PIGS: variants seen among roughly 807,000 people sequenced by gnomAD.
PIGS encodes the protein phosphatidylinositol glycan anchor biosynthesis class S, also known as GPI-anchor transamidase component PIGS.
PIGS carries 37 observed loss-of-function variants against 58.2 expected under a neutral mutation model. The observed-to-expected ratio is 0.64, with a 90% CI of 0.49 to 0.84. The LOEUF (loss-of-function observed/expected upper bound fraction) is 0.84. Ranked by LOEUF, PIGS falls within the 40% of genes least tolerant of loss-of-function variation. The probability of loss-of-function intolerance (pLI) is 0.00; values close to 1 mark genes in which losing one functional copy is unlikely to be tolerated. For synonymous variants in PIGS, 269 were observed against 289.2 expected (o/e 0.93, Z 0.71); for missense variants, 629 against 710.8 (o/e 0.88, Z 1.31).
intron 3 of PIGS, among the ~76,000 whole-genome samples, chr17:28,565,784 C>A (rs931137343): frequency 6.6e-6 from 1 of 152,192 alleles, no homozygotes; most frequent in Non-Finnish European, 1.5e-5. Flanking sequence ...AATCCCAGCA[C>A]TTTAGGAGGC....
chr17:28,560,894 T>C (rs2070359734), intron 6 of PIGS, among the ~76,000 whole-genome samples: 1 of 151,988 alleles, frequency 6.6e-6, no homozygotes, highest in South Asian at 2.1e-4. Flanking sequence ...GCAGAGGTTG[T>C]GGTGAGCCAA....
At chr17:28,569,858 T>C (rs1316991299) in intron 3 of PIGS, among the ~76,000 whole-genome samples, 1 of 152,240 alleles carries the variant, frequency 6.6e-6, no homozygotes, top group Non-Finnish European at 1.5e-5. Context: ...ACATATAAAA[T>C]GCTTCACCTA....
chr17:28,571,130 C>A lies in PIGS; in HGVS notation c.93G>T (p.Gly31=). The change falls in exon 2 of 12, where the codon GGG becomes GGT. Residue 31 remains glycine (G), a synonymous_variant. Transcript: ENST00000308360. ...CCGTGGTCTTCCACCAGAGCGGTAG[C>A]CCCAGCACGATGGCCACCGCAGCGA... ...LFFAAVAIVL[G]LPLWWKTTET... is the part of the protein sequence containing the mutation. The A allele has an allele frequency of 6.2e-7, 1 of 1,613,940 alleles. No homozygotes were observed. Among genetic ancestry groups the A allele is most frequent in the Non-Finnish European group, 8.5e-7 (1 of 1,180,044 alleles).
chr17:28,559,956 A>G, intron 7 of PIGS, 93 bp downstream of exon 7: 1 of 1,463,370 alleles, frequency 6.8e-7, no homozygotes, highest in South Asian at 1.4e-5. Context: ...AATTCCTAGC[A>G]AATCAGCAAG....
chr17:28,554,797 C>G (rs1263152402), intron 11 of PIGS, 54 bp downstream of exon 11: 2 of 1,597,306 alleles, frequency 1.3e-6, no homozygotes, highest in African/African-American at 2.7e-5. Context: ...CACACTCTGG[C>G]CCTCTCTGGC....
Position 28,557,406 on chromosome 17 carries a change from G to A in PIGS, c.935-434C>T, listed in dbSNP as rs140506585. 1,359 of 172,450 alleles carry A rather than the reference G, an allele frequency of 7.9e-3. 14 individuals are homozygous for A. The highest frequency in any genetic ancestry group is 0.017 in the Middle Eastern group (7 of 404). 10.7% of individuals were successfully genotyped at this position (172,450 alleles called of 1,614,324 possible). A position where few individuals can be genotyped will look rare whatever the true frequency, so the allele number is the denominator to read the frequency against. ...GTCCTTTATGACCTGGCTCCTGCCT[G>A]CCTAACCGGCTTCATCTTTGGTCAC... is the stretch of plus-strand genomic sequence containing the variant. On this transcript the variant is annotated intron_variant, in intron 8 of 11. Coordinates refer to ENST00000308360, the MANE Select transcript of PIGS (RefSeq NM_033198.4).
chr17:28,567,992 G>T (rs1466917496), intron 3 of PIGS, among the ~76,000 whole-genome samples: 1 of 152,058 alleles, frequency 6.6e-6, no homozygotes, highest in Non-Finnish European at 1.5e-5. Flanking sequence ...GACCTCCCTT[G>T]TCCACCCTAT....
Position 28,561,183 on chromosome 17 carries a change from G to A in PIGS, c.676+239C>T, listed in dbSNP as rs375881213. On this transcript the variant is annotated intron_variant, in intron 6 of 11. Transcript: ENST00000308360. The stretch of plus-strand genomic sequence containing the variant: ...TGAGGCAGGAGAATGGCGTGAACCC[G>A]GGAGGCGGAGCTTGCAGTGAGCCGA... 1.9e-4 allele frequency among the ~76,000 whole-genome samples: 29 copies of A among 152,128 alleles called. No individual in the cohort carries two copies. In the South Asian group the frequency reaches 2.5e-3, roughly 13 times the overall value.
intron 3 of PIGS, 75 bp from the exon 4 acceptor site, chr17:28,563,982 G>T: frequency 1.6e-6 from 2 of 1,284,546 alleles, no homozygotes; most frequent in Non-Finnish European, 2.2e-6. Context: ...ACCTAACACT[G>T]TCCAGCATCT....
rs1271600747 is a variant in PIGS, at chr17:28,553,679, A to C, written c.*541T>G. On this transcript the variant is annotated 3_prime_UTR_variant, in exon 12 of 12. Transcript: ENST00000308360. ...ACACACACACACACACACACACAGC[A>C]CCATGTCCTGAGCTGCTGCCTCCTG... 1 of 114,630 alleles carries C rather than the reference A, an allele frequency of 8.7e-6. No individual in the cohort carries two copies. The highest frequency in any genetic ancestry group is 8.0e-5 in the Admixed American group (1 of 12,530). The allele number at this position is 114,630 out of a possible 1,614,324, so 7.1% of individuals were successfully genotyped here. A position where few individuals can be genotyped will look rare whatever the true frequency, so the allele number is the denominator to read the frequency against.
At chr17:28,567,693 T>G (rs2070401976) in intron 3 of PIGS, among the ~76,000 whole-genome samples, 2 of 152,218 alleles carry the variant, frequency 1.3e-5, no homozygotes, top group Admixed American at 1.3e-4. Context: ...TCCCTTCTTA[T>G]CTAGAATAAA....
intron 5 of PIGS, among the ~76,000 whole-genome samples, chr17:28,562,245 T>A (rs2070368659): frequency 6.6e-6 from 1 of 152,140 alleles, no homozygotes; most frequent in African/African-American, 2.4e-5. Flanking sequence ...ATACAGCATA[T>A]GTGATCAAAC....
At chr17:28,558,673 A>T (rs1338989341) in intron 7 of PIGS, 83 bp from the exon 8 acceptor site, 1 of 1,089,720 alleles carries the variant, frequency 9.2e-7, no homozygotes, top group African/African-American at 1.6e-5. Context: ...GCCTTAAAAA[A>T]GACACAATCA....
At chr17:28,568,515 C>T (rs1050922226) in intron 3 of PIGS, among the ~76,000 whole-genome samples, 16 of 152,158 alleles carry the variant, frequency 1.1e-4, no homozygotes, top group Admixed American at 3.9e-4. Context: ...AAATGAACAA[C>T]GCTATTACTA....
chr17:28,562,082 T>C (rs1457206038), intron 5 of PIGS, among the ~76,000 whole-genome samples: 1 of 152,262 alleles, frequency 6.6e-6, no homozygotes, highest in Non-Finnish European at 1.5e-5. Flanking sequence ...GTTTATACAA[T>C]GATACATAGA....
At chr17:28,566,215 A>G (rs1443679975) in intron 3 of PIGS, among the ~76,000 whole-genome samples, 1 of 141,138 alleles carries the variant, frequency 7.1e-6, no homozygotes, top group Non-Finnish European at 1.5e-5. Flanking sequence ...CCTGAGTGTC[A>G]GACCCTATCT....
In PIGS at chr17:28,556,203, T is replaced by C. The variant is rs1311751430; in HGVS notation, c.1144A>G (p.Met382Val). The C allele has an allele frequency of 6.2e-7, 1 of 1,614,034 alleles. No individual in the cohort carries two copies. The highest frequency in any genetic ancestry group is 2.2e-5 in the East Asian group (1 of 44,880). The change falls in exon 10 of 12, where the codon ATG becomes GTG. Residue 382 changes from methionine (M) to valine (V), a missense_variant. Physicochemically the swap from Met to Val is conservative, Grantham distance 21. Coordinates refer to ENST00000308360, the MANE Select transcript of PIGS (RefSeq NM_033198.4). ...AGGAACACCTCCATCACTCGCACCA[T>C]GTCCACCTCGACTCTCACTGGCAGC... is the stretch of plus-strand genomic sequence containing the variant. Reference protein sequence around the residue: ...SVLPVRVEVDMVRVMEVFLAQ... With the variant: ...SVLPVRVEVDVVRVMEVFLAQ...
At chr17:28,562,773 A>G (rs1365079656) in intron 5 of PIGS, among the ~76,000 whole-genome samples, 1 of 151,356 alleles carries the variant, frequency 6.6e-6, no homozygotes, top group Non-Finnish European at 1.5e-5. Context: ...GTGCAATGGC[A>G]TGATATTAGC....
At chr17:28,570,778 C>A in intron 3 of PIGS, 74 bp downstream of exon 3, 1 of 1,435,476 alleles carries the variant, frequency 7.0e-7, no homozygotes, top group Non-Finnish European at 9.8e-7. Flanking sequence ...ATGGTACACC[C>A]CCGCTCCTCC....
Sources: gnomAD v4.1 joint callset for allele counts (sites outside exome capture counted in the v4.1 genomes callset) on GRCh38, gnomAD v4.1.1 for gene constraint, MANE v1.5 for transcripts, NCBI Gene and HGNC (gene_info 2026-07-23, HGNC 2026-07-21) for gene names.